COLEC12: variants seen among roughly 807,000 people sequenced by gnomAD.
COLEC12 encodes collectin subfamily member 12.
In COLEC12, 33 loss-of-function variants were observed where a neutral mutation model predicts 71.1. The observed-to-expected ratio is 0.46, with a 90% CI of 0.35 to 0.62. COLEC12 has a LOEUF of 0.62. Ranked by LOEUF, COLEC12 falls within the 20% of genes least tolerant of loss-of-function variation. The pLI, the probability that COLEC12 is intolerant of heterozygous loss-of-function variation, is 0.00. For synonymous variants in COLEC12, 350 were observed against 353.0 expected (o/e 0.99, Z 0.10); for missense variants, 765 against 916.1 (o/e 0.84, Z 2.13).
At chr18:414,287 A>T (rs1270785081) in intron 2 of COLEC12, among the ~76,000 whole-genome samples, 3 of 152,160 alleles carry the variant, frequency 2.0e-5, no homozygotes, top group Non-Finnish European at 4.4e-5. Context: ...AAACAAAATA[A>T]ATGAACAAAA....
intron 8 of COLEC12, among the ~76,000 whole-genome samples, chr18:325,627 C>CTTT (rs760407917): frequency 0.038 from 1,986 of 51,814 alleles, 393 homozygotes; most frequent in South Asian, 0.074. Context: ...AAGGATCAGC[C>CTTT]TTTTTTTTTT....
rs560610325 is a variant in COLEC12 at position 327,688 on chromosome 18, T to C, written c.2063+3980A>G. Among the ~76,000 whole-genome samples, 2 of 152,352 alleles carry C rather than the reference T, an allele frequency of 1.3e-5. No individual in the cohort carries two copies. Among genetic ancestry groups the C allele is most frequent in the Admixed American group, 1.3e-4 (2 of 15,298 alleles). The stretch of plus-strand genomic sequence containing the variant: ...GAGAGAGCCTTTTATCCCTCGTCTA[T>C]TTGCTCTTTAACAGTAACCACAAAA... On this transcript the variant is annotated intron_variant, in intron 8 of 9. Transcript: ENST00000400256. This position sits in a 1 kb window ranked among gnomAD's most constrained non-coding sequence, Gnocchi z 4.0.
intron 3 of COLEC12, among the ~76,000 whole-genome samples, chr18:351,270 C>T (rs1442854897): frequency 6.6e-6 from 1 of 152,032 alleles, no homozygotes; most frequent in East Asian, 1.9e-4. Flanking sequence ...TCCATGTGTT[C>T]TCTCTACCTA....
At chr18:376,777 T>C (rs1409634993) in intron 2 of COLEC12, among the ~76,000 whole-genome samples, 2 of 152,180 alleles carry the variant, frequency 1.3e-5, no homozygotes, top group East Asian at 3.9e-4. Context: ...GCAGGGTTAT[T>C]CTAAGGATTA....
Position 500,215 on chromosome 18 carries a change from G to C in COLEC12, c.7+293C>G, listed in dbSNP as rs548827870. On this transcript the variant is annotated intron_variant, in intron 1 of 9. Coordinates refer to ENST00000400256, the MANE Select transcript of COLEC12 (RefSeq NM_130386.3). The surrounding 1 kb of genome is among the most constrained non-coding windows in gnomAD (Gnocchi z 5.3). ...GCAGGTTTTTTCAATTAAAAAGTTG[G>C]AAACGGGAATCCGTAAACAACGACT... 6.6e-6 allele frequency among the ~76,000 whole-genome samples: 1 copy of C among 152,200 alleles called. No individual in the cohort carries two copies. The highest frequency in any genetic ancestry group is 1.9e-4 in the East Asian group (1 of 5,176).
In COLEC12 at chr18:317,964, C is replaced by G. The variant is rs913691320; in HGVS notation, c.*2081G>C. 7.0e-6 allele frequency: 1 copy of G among 142,740 alleles called. No homozygotes were observed. The highest frequency in any genetic ancestry group is 2.2e-4 in the East Asian group (1 of 4,560). The allele number at this position is 142,740 out of a possible 1,614,324, so 8.8% of individuals were successfully genotyped here. On this transcript the variant is annotated 3_prime_UTR_variant, in exon 10 of 10. Transcript: ENST00000400256. Reference sequence around the variant, plus strand: ...CTTGTTCGCAGGTGGGAAAGTCAAACTCTGTCTTTATTCTTTTTTTTTTTT... The same window carrying G: ...CTTGTTCGCAGGTGGGAAAGTCAAAGTCTGTCTTTATTCTTTTTTTTTTTT...
chr18:374,363 T>G (rs1915066826), intron 2 of COLEC12, among the ~76,000 whole-genome samples: 1 of 152,230 alleles, frequency 6.6e-6, no homozygotes, highest in African/African-American at 2.4e-5. Context: ...TTTTTCACGT[T>G]TGCACATACA....
intron 2 of COLEC12, among the ~76,000 whole-genome samples, chr18:463,434 ATCAAG>A (rs1028203005): frequency 5.3e-5 from 8 of 152,214 alleles, no homozygotes; most frequent in African/African-American, 1.9e-4. Flanking sequence ...ATCAATTAAA[ATCAAG>A]AAAGTAATAA....
At chr18:388,382 T>C (rs1277482283) in intron 2 of COLEC12, among the ~76,000 whole-genome samples, 2 of 152,244 alleles carry the variant, frequency 1.3e-5, no homozygotes, top group Non-Finnish European at 2.9e-5. Context: ...ATCCGCCTAA[T>C]TGGATCATCT....
At chr18:356,321 G>A (rs1255489410) in intron 3 of COLEC12, among the ~76,000 whole-genome samples, 1 of 152,104 alleles carries the variant, frequency 6.6e-6, no homozygotes, top group Non-Finnish European at 1.5e-5. Flanking sequence ...CCTGGGTATG[G>A]AGCCATGCAG....
At position 451,473 on chromosome 18, in the gene COLEC12, C is replaced by T. The variant is rs138302528; in HGVS notation, c.58+29234G>A. On this transcript the variant is annotated intron_variant, in intron 2 of 9. Coordinates refer to ENST00000400256, the MANE Select transcript of COLEC12 (RefSeq NM_130386.3). ...AGCAAAGAAATGATCTGAGGCCAGG[C>T]GCGGTGGCTCATACCTGTAATCCCA... Among the ~76,000 whole-genome samples, 691 of 152,250 alleles carry T rather than the reference C, an allele frequency of 4.5e-3. 5 individuals carry two copies. Among genetic ancestry groups the T allele is most frequent in the Non-Finnish European group, 7.4e-3 (506 of 68,022 alleles).
At chr18:333,239 C>T (rs1272674354) in intron 6 of COLEC12, 96 bp from the exon 7 acceptor site, 2 of 1,044,050 alleles carry the variant, frequency 1.9e-6, no homozygotes, top group Non-Finnish European at 2.8e-6. Context: ...TGTGGTCCCG[C>T]TGGGAGCAGC....
chr18:463,293 A>C (rs946594622), intron 2 of COLEC12, among the ~76,000 whole-genome samples: 2 of 152,168 alleles, frequency 1.3e-5, no homozygotes, highest in Admixed American at 6.5e-5. Flanking sequence ...TTTTCCCCCC[A>C]GTCATAAATG....
chr18:346,598 C>T lies in COLEC12; in HGVS notation c.1024G>A (p.Asp342Asn). ...LEERFQLFET[D>N]IVNIISNISY... ...ATATTGCTAATGATGTTCACAATAT[C>T]CGTCTCAAAGAGCTGGAAGCGTTCC... Residue 342 changes from aspartate to asparagine, a missense_variant, in exon 5 of 10, where the codon GAT (aspartate) becomes AAT (asparagine). Physicochemically the swap from Asp to Asn is conservative, Grantham distance 23. Transcript: ENST00000400256. The surrounding 1 kb of genome is among the most constrained non-coding windows in gnomAD (Gnocchi z 4.0). 1 of 1,614,214 alleles carries T rather than the reference C, an allele frequency of 6.2e-7. No homozygotes were observed. The highest frequency in any genetic ancestry group is 1.3e-5 in the African/African-American group (1 of 75,052).
chr18:394,499 C>T (rs1209801053), intron 2 of COLEC12, among the ~76,000 whole-genome samples: 1 of 152,184 alleles, frequency 6.6e-6, no homozygotes, highest in African/African-American at 2.4e-5. Context: ...GTGTTTACAG[C>T]AGAATGTTGT....
At chr18:448,411 T>C (rs199891119) in intron 2 of COLEC12, among the ~76,000 whole-genome samples, 1 of 152,236 alleles carries the variant, frequency 6.6e-6, no homozygotes. Context: ...TGTAAACATG[T>C]TGACTTCCTA....
At position 375,420 on chromosome 18, in the gene COLEC12, C is replaced by T. The variant is rs73356532; in HGVS notation, c.59-17898G>A. ...AAAAACATCATCTTCTCAGAGAGGC[C>T]TTCCCTGACCATTCTTTTGAAAAAT... is the stretch of plus-strand genomic sequence containing the variant. On this transcript the variant is annotated intron_variant, in intron 2 of 9. Transcript: ENST00000400256. Among the ~76,000 whole-genome samples, 1,009 of 152,290 alleles carry T rather than the reference C, an allele frequency of 6.6e-3. 11 individuals are homozygous for T. The highest frequency in any genetic ancestry group is 0.02 in the African/African-American group (840 of 41,556).
intron 2 of COLEC12, among the ~76,000 whole-genome samples, chr18:421,174 A>G (rs1462318072): frequency 2.6e-5 from 4 of 152,230 alleles, no homozygotes; most frequent in Admixed American, 2.0e-4. Context: ...TTATATGCAT[A>G]TACTTTGATA....
intron 1 of COLEC12, among the ~76,000 whole-genome samples, chr18:494,199 CCTT>C (rs1457626564): frequency 7.2e-4 from 110 of 152,304 alleles, no homozygotes; most frequent in African/African-American, 2.3e-3. Flanking sequence ...ACAACTCACT[CCTT>C]CTATCCCTGA....
Sources: allele counts gnomAD v4.1 joint callset (sites outside exome capture counted in the v4.1 genomes callset), GRCh38; gene constraint gnomAD v4.1.1; non-coding constraint Gnocchi (gnomAD v3.1); transcripts MANE v1.5; gene names NCBI Gene and HGNC (gene_info 2026-07-23, HGNC 2026-07-21).